DCDC2: variants seen among roughly 807,000 people sequenced by gnomAD.
The protein encoded by DCDC2 is doublecortin domain containing 2, also known as doublecortin domain-containing protein 2.
In DCDC2, 40 loss-of-function variants were observed where a neutral mutation model predicts 50.2. That is an observed-to-expected ratio of 0.80 (90% CI 0.62 to 1.04). DCDC2 has a LOEUF of 1.04. DCDC2 is among the 50% of genes least tolerant of loss of function. The pLI, the probability that DCDC2 is intolerant of heterozygous loss-of-function variation, is 0.00. For synonymous variants in DCDC2, 234 were observed against 210.6 expected (o/e 1.11, Z -0.96); for missense variants, 570 against 581.9 (o/e 0.98, Z 0.21).
chr6:24,354,826 G>C (rs1345439575), intron 1 of DCDC2, among the ~76,000 whole-genome samples: 1 of 152,004 alleles, frequency 6.6e-6, no homozygotes, highest in African/African-American at 2.4e-5. Context: ...AATAAATAAG[G>C]GTTTAATAGC....
At chr6:24,367,125 C>T in the DCDC2 span, among the ~76,000 whole-genome samples, 1 of 152,200 alleles carries the variant, frequency 6.6e-6, no homozygotes, top group South Asian at 2.1e-4. Flanking sequence ...CATGAGACAC[C>T]ATGCCTGGCT....
rs560272792 is a variant in DCDC2, at chr6:24,312,071, A to G, written c.349-10027T>C. Among the ~76,000 whole-genome samples the G allele has an allele frequency of 3.3e-5, 5 of 152,178 alleles. No homozygotes were observed. In the South Asian group the frequency reaches 8.3e-4, roughly 25 times the overall value. On this transcript the variant is annotated intron_variant, in intron 2 of 9. Transcript: ENST00000378454. Reference sequence around the variant, plus strand: ...CTAACTGACCAATTGACCTTGTGACATTCCTTCTCCTGGACAGTGAGTCTC... The same window carrying G: ...CTAACTGACCAATTGACCTTGTGACGTTCCTTCTCCTGGACAGTGAGTCTC...
chr6:24,254,054 T>G (rs1005288741), intron 7 of DCDC2, among the ~76,000 whole-genome samples: 1 of 152,168 alleles, frequency 6.6e-6, no homozygotes, highest in Non-Finnish European at 1.5e-5. Flanking sequence ...GTTTAATTTT[T>G]AAACCTTTTC....
At position 24,275,730 on chromosome 6, in the gene DCDC2, G is replaced by A. The variant is rs78240884; in HGVS notation, c.922+2319C>T. Among the ~76,000 whole-genome samples the A allele has an allele frequency of 1.3e-3, 204 of 152,094 alleles. 1 individual carries two copies. Among genetic ancestry groups the A allele is most frequent in the African/African-American group, 4.7e-3 (196 of 41,512 alleles). The stretch of plus-strand genomic sequence containing the variant: ...TCTAAAGAAAAAAATAAAAGAACAG[G>A]AAGGCTTATACCTTTTCTTTTCAAA... On this transcript the variant is annotated intron_variant, in intron 7 of 9. Coordinates refer to ENST00000378454, the MANE Select transcript of DCDC2 (RefSeq NM_016356.5).
chr6:24,340,685 A>T (rs1003742673), intron 2 of DCDC2, among the ~76,000 whole-genome samples: 2 of 152,216 alleles, frequency 1.3e-5, no homozygotes, highest in East Asian at 3.8e-4. Context: ...ATAATTAACA[A>T]AATGCAACTT....
chr6:24,265,346 T>C (rs1763096560), intron 7 of DCDC2, among the ~76,000 whole-genome samples: 1 of 152,144 alleles, frequency 6.6e-6, no homozygotes, highest in Non-Finnish European at 1.5e-5. Flanking sequence ...CCCACTTTCA[T>C]TATTGGACAT....
chr6:24,244,226 A>C (rs532877888), intron 7 of DCDC2, among the ~76,000 whole-genome samples: 1 of 152,244 alleles, frequency 6.6e-6, no homozygotes, highest in South Asian at 2.1e-4. Flanking sequence ...CTTCTAAAGG[A>C]AAGTTAAGAA....
At chr6:24,366,083 G>A in the DCDC2 span, among the ~76,000 whole-genome samples, 1 of 152,134 alleles carries the variant, frequency 6.6e-6, no homozygotes, top group East Asian at 1.9e-4. Context: ...CTCCCAAAGT[G>A]CTTGGATTAT....
chr6:24,346,586 T>C (rs1484537121), intron 2 of DCDC2, among the ~76,000 whole-genome samples: 1 of 151,984 alleles, frequency 6.6e-6, no homozygotes, highest in Non-Finnish European at 1.5e-5. Context: ...CAAACCCCCA[T>C]CTCTACTAAA....
At chr6:24,328,664 A>G (rs183994378) in intron 2 of DCDC2, among the ~76,000 whole-genome samples, 62 of 152,268 alleles carry the variant, frequency 4.1e-4, no homozygotes, top group Non-Finnish European at 2.8e-4. Context: ...TCAATGGTCC[A>G]CTGAACTACT....
intron 7 of DCDC2, among the ~76,000 whole-genome samples, chr6:24,262,003 G>T (rs548084229): frequency 6.6e-6 from 1 of 152,116 alleles, no homozygotes; most frequent in South Asian, 2.1e-4. Flanking sequence ...ACACGAGAAA[G>T]CCCCTTCATA....
intron 7 of DCDC2, among the ~76,000 whole-genome samples, chr6:24,271,772 T>C (rs1362292936): frequency 1.3e-5 from 2 of 152,234 alleles, no homozygotes; most frequent in African/African-American, 4.8e-5. Context: ...AGATGAATTA[T>C]GGCTTACATA....
intron 9 of DCDC2, 64 bp from the exon 10 acceptor site, chr6:24,174,898 A>G (rs1160633093): frequency 2.1e-6 from 2 of 961,510 alleles, no homozygotes; most frequent in East Asian, 5.1e-5. Context: ...AATGACATTT[A>G]TAAAGAAAAA....
chr6:24,176,130 A>T (rs879126746), intron 9 of DCDC2, among the ~76,000 whole-genome samples: 2 of 151,914 alleles, frequency 1.3e-5, no homozygotes, highest in East Asian at 1.9e-4. Flanking sequence ...GACTTCCTCC[A>T]TATTAAAAAA....
chr6:24,196,927 T>A (rs1230325899), intron 8 of DCDC2, among the ~76,000 whole-genome samples: 1 of 152,164 alleles, frequency 6.6e-6, no homozygotes, highest in Admixed American at 6.5e-5. Flanking sequence ...CTTTTAGTTT[T>A]CCATATTTAT....
intron 2 of DCDC2, among the ~76,000 whole-genome samples, chr6:24,310,147 G>A (rs2113844511): frequency 6.6e-6 from 1 of 152,160 alleles, no homozygotes; most frequent in East Asian, 1.9e-4. Flanking sequence ...GTATTAAAGT[G>A]TTTTTTAAAC....
At chr6:24,255,427 TAAAGGA>T (rs1224932791) in intron 7 of DCDC2, among the ~76,000 whole-genome samples, 1 of 150,120 alleles carries the variant, frequency 6.7e-6, no homozygotes, top group Non-Finnish European at 1.5e-5. Flanking sequence ...ACATTAATCC[TAAAGGA>T]AAAGTTAATA....
At chr6:24,326,320 G>T (rs1759860793) in intron 2 of DCDC2, among the ~76,000 whole-genome samples, 1 of 148,838 alleles carries the variant, frequency 6.7e-6, no homozygotes, top group Admixed American at 6.7e-5. Flanking sequence ...GTTAAAAAGA[G>T]TCTCCATTTT....
chr6:24,382,889 G>A, the DCDC2 span, among the ~76,000 whole-genome samples: 1 of 152,144 alleles, frequency 6.6e-6, no homozygotes. Context: ...TTTTTAGTCA[G>A]TAACTTTCAT....
Sources: gnomAD v4.1 joint callset for allele counts (sites outside exome capture counted in the v4.1 genomes callset) on GRCh38, gnomAD v4.1.1 for gene constraint, MANE v1.5 for transcripts, NCBI Gene and HGNC (gene_info 2026-07-23, HGNC 2026-07-21) for gene names.